The following HDHD2 variants were observed in gnomAD, a reference collection of about 807,000 sequenced individuals.
The protein encoded by HDHD2 is haloacid dehalogenase like hydrolase domain containing 2, also known as haloacid dehalogenase-like hydrolase domain-containing protein 2.
In HDHD2, 26 loss-of-function variants were observed where a neutral mutation model predicts 24.8. That is an observed-to-expected ratio of 1.05 (90% CI 0.77 to 1.45). HDHD2 has a LOEUF of 1.45. Among genes scored for constraint, HDHD2 ranks in the 40% most tolerant of loss-of-function variants. The pLI, the probability that HDHD2 is intolerant of heterozygous loss-of-function variation, is 0.00. For synonymous variants in HDHD2, 128 were observed against 114.9 expected (o/e 1.11, Z -0.73); for missense variants, 299 against 313.4 (o/e 0.95, Z 0.35).
chr18:47,126,992 T>G (rs1599939927), intron 4 of HDHD2, among the ~76,000 whole-genome samples: 1 of 152,104 alleles, frequency 6.6e-6, no homozygotes, highest in Admixed American at 6.5e-5. Context: ...AAACCCCGTC[T>G]CTACTAAAAA....
intron 1 of HDHD2, among the ~76,000 whole-genome samples, chr18:47,149,418 G>T (rs1296809840): frequency 1.3e-5 from 2 of 152,034 alleles, no homozygotes; most frequent in Admixed American, 6.6e-5. Flanking sequence ...TTCAATAAAT[G>T]ACGGTATTAT....
In HDHD2 at chr18:47,119,151, C is replaced by T. The variant is rs541738968; in HGVS notation, c.396-3803G>A. ...GAAGGCCTTGCCTCGATGTTGATGG[C>T]TGCTGACGGATCAGGGTGGTAGTCA... is the stretch of plus-strand genomic sequence containing the variant. On this transcript the variant is annotated intron_variant, in intron 4 of 6. Transcript: ENST00000300605. Among the ~76,000 whole-genome samples the T allele has an allele frequency of 3.3e-5, 5 of 152,314 alleles. No individual in the cohort carries two copies. In the South Asian group the frequency reaches 6.2e-4, roughly 19 times the overall value.
chr18:47,113,156 A>C (rs958347053), intron 5 of HDHD2, 116 bp from the exon 6 acceptor site: 10 of 816,200 alleles, frequency 1.2e-5, no homozygotes, highest in Non-Finnish European at 1.8e-5. Context: ...TTTTTTATTG[A>C]AATAGAAAAG....
chr18:47,136,591 T>G lies in HDHD2; in HGVS notation c.-10-142A>C, dbSNP rs2063768473. 4 of 610,232 alleles carry G rather than the reference T, an allele frequency of 6.6e-6. No homozygotes were observed. In the East Asian group the frequency reaches 1.3e-4, roughly 20 times the overall value. The allele number at this position is 610,232 out of a possible 1,614,324, so 37.8% of individuals were successfully genotyped here. A position where few individuals can be genotyped will look rare whatever the true frequency, so the allele number is the denominator to read the frequency against. Reference sequence around the variant, plus strand: ...GCTTCCATTTTGGAGAAAACTGGTTTTAAAAATTACAAATCCAAAATTTGA... The same window carrying G: ...GCTTCCATTTTGGAGAAAACTGGTTGTAAAAATTACAAATCCAAAATTTGA... On this transcript the variant is annotated intron_variant, in intron 1 of 6. Transcript: ENST00000300605.
At chr18:47,114,284 C>A (rs1402828746) in intron 5 of HDHD2, among the ~76,000 whole-genome samples, 1 of 152,132 alleles carries the variant, frequency 6.6e-6, no homozygotes, top group African/African-American at 2.4e-5. Flanking sequence ...GTTAAAACAG[C>A]TAGGGAGGGA....
At chr18:47,133,250 G>C (rs894583287) in intron 3 of HDHD2, among the ~76,000 whole-genome samples, 4 of 151,710 alleles carry the variant, frequency 2.6e-5, no homozygotes, top group Non-Finnish European at 4.4e-5. Context: ...GCAGTGTTTG[G>C]TTTTCTGTCC....
intron 4 of HDHD2, 86 bp from the exon 5 acceptor site, chr18:47,115,434 T>C: frequency 1.2e-6 from 1 of 859,182 alleles, no homozygotes. Flanking sequence ...ACAAAGTGGC[T>C]GTATTCACAC....
At chr18:47,129,919 C>A (rs528825654) in intron 4 of HDHD2, among the ~76,000 whole-genome samples, 1 of 152,192 alleles carries the variant, frequency 6.6e-6, no homozygotes, top group Admixed American at 6.5e-5. Flanking sequence ...ACTAAAAATA[C>A]AAAAACTGAG....
In HDHD2 at chr18:47,134,527, T is replaced by A; in HGVS notation, c.279A>T (p.Leu93=). ...LERKQVRPML[L]VDDRALPDFK... ...AATCAGGTAGTGCCCGATCATCAAC[T>A]AGCAGCATGGGTCTGACTTGTTTCC... Residue 93 remains leucine, a synonymous_variant, in exon 3 of 7, where the codon CTA becomes CTT. Transcript: ENST00000300605. 1 of 1,614,154 alleles carries A rather than the reference T, an allele frequency of 6.2e-7. No individual in the cohort carries two copies. The highest frequency in any genetic ancestry group is 8.5e-7 in the Non-Finnish European group (1 of 1,179,978).
chr18:47,143,355 C>T (rs1484146464), intron 1 of HDHD2, among the ~76,000 whole-genome samples: 1 of 151,936 alleles, frequency 6.6e-6, no homozygotes, highest in Non-Finnish European at 1.5e-5. Context: ...ACTGGGATTG[C>T]GTAAGCCCAG....
chr18:47,115,145 A>G lies in HDHD2; in HGVS notation c.599T>C (p.Val200Ala), dbSNP rs2063547444. 6.2e-7 allele frequency: 1 copy of G among 1,613,178 alleles called. No homozygotes were observed. The highest frequency in any genetic ancestry group is 1.1e-5 in the South Asian group (1 of 91,030). The change falls in exon 5 of 7, where the codon GTC (valine) becomes GCC (alanine). Residue 200 changes from valine to alanine, a missense_variant. Val to Ala is a moderately conservative substitution (Grantham distance 64). Coordinates refer to ENST00000300605, the MANE Select transcript of HDHD2 (RefSeq NM_032124.5). ...RGTGCEPEEA[V>A]MIGDDCRDDV... ...TCTTCTACTTACATCTCCTATCATG[A>G]CAGCCTCCTCAGGTTCACAGCCAGT...
At chr18:47,118,327 A>C (rs117790209) in intron 4 of HDHD2, among the ~76,000 whole-genome samples, 3 of 152,222 alleles carry the variant, frequency 2.0e-5, no homozygotes, top group Admixed American at 1.3e-4. Flanking sequence ...ATTAGTCACA[A>C]AAGAAAAGAC....
chr18:47,140,365 ATATC>A (rs1322583618), intron 1 of HDHD2, among the ~76,000 whole-genome samples: 1 of 152,238 alleles, frequency 6.6e-6, no homozygotes, highest in African/African-American at 2.4e-5. Flanking sequence ...AGTTTTATAA[ATATC>A]TACATAAATG....
In HDHD2 at chr18:47,134,575, A is replaced by T. The variant is rs970711325; in HGVS notation, c.231T>A (p.Thr77=). ...ISEDEIFTSL[T]AARSLLERKQ... ...TCCGCTCTAGTAAACTTCTGGCTGC[A>T]GTCAGAGATGTGAATATTTCATCTT... Residue 77 remains threonine, a synonymous_variant, in exon 3 of 7, where the codon ACT becomes ACA. Coordinates refer to ENST00000300605, the MANE Select transcript of HDHD2 (RefSeq NM_032124.5). 6.2e-7 allele frequency: 1 copy of T among 1,614,154 alleles called. No homozygotes were observed. Among genetic ancestry groups the T allele is most frequent in the Non-Finnish European group, 8.5e-7 (1 of 1,179,992 alleles).
intron 4 of HDHD2, among the ~76,000 whole-genome samples, chr18:47,115,936 C>T (rs2063555145): frequency 6.6e-6 from 1 of 152,100 alleles, no homozygotes; most frequent in African/African-American, 2.4e-5. Context: ...GGCCATCTTT[C>T]CTGAAGAAAA....
In HDHD2 at chr18:47,110,889, A is replaced by T; in HGVS notation, c.676+2088T>A. 4 of 984,880 alleles carry T rather than the reference A, an allele frequency of 4.1e-6. No homozygotes were observed. In the South Asian group the frequency reaches 1.9e-4, roughly 46 times the overall value. The allele number at this position is 984,880 out of a possible 1,614,324, so 61.0% of individuals were successfully genotyped here. ...AAATCTTTAACAAATAATTGATCAAATTATATTGAGCATCTACCTTGTGCT... is the reference window on the plus strand; with the variant it reads ...AAATCTTTAACAAATAATTGATCAATTTATATTGAGCATCTACCTTGTGCT... On this transcript the variant is annotated intron_variant, in intron 6 of 6. Coordinates refer to ENST00000300605, the MANE Select transcript of HDHD2 (RefSeq NM_032124.5).
chr18:47,136,251 C>A, intron 2 of HDHD2, 88 bp downstream of exon 2: 1 of 1,545,820 alleles, frequency 6.5e-7, no homozygotes, highest in East Asian at 2.3e-5. Context: ...AAAATGCCAT[C>A]TTAAGGCCAT....
intron 4 of HDHD2, 151 bp downstream of exon 4, chr18:47,130,093 T>C (rs925920376): frequency 5.7e-6 from 3 of 521,762 alleles, no homozygotes; most frequent in Non-Finnish European, 1.0e-5. Context: ...TAGTAATACA[T>C]ATTATTTGAT....
intron 3 of HDHD2, among the ~76,000 whole-genome samples, chr18:47,132,294 A>C (rs1270798729): frequency 6.6e-6 from 1 of 152,196 alleles, no homozygotes; most frequent in Non-Finnish European, 1.5e-5. Flanking sequence ...ATTTTCAGCT[A>C]CAAAGCATTC....
Sources: gnomAD v4.1 joint callset for allele counts (sites outside exome capture counted in the v4.1 genomes callset) on GRCh38, gnomAD v4.1.1 for gene constraint, MANE v1.5 for transcripts, NCBI Gene and HGNC (gene_info 2026-07-23, HGNC 2026-07-21) for gene names.